Variants in GABPB2 observed in about 807,000 individuals in gnomAD.
The protein encoded by GABPB2 is GA binding protein transcription factor subunit beta 2.
In GABPB2, 23 loss-of-function variants were observed where a neutral mutation model predicts 39.1. The ratio of observed to expected loss-of-function variants is 0.59; its 90% CI spans 0.42 to 0.83. The LOEUF is 0.83. Ranked by LOEUF, GABPB2 falls within the 40% of genes least tolerant of loss-of-function variation. The pLI is 0.00. For synonymous variants in GABPB2, 184 were observed against 199.3 expected (o/e 0.92, Z 0.65); for missense variants, 467 against 541.1 (o/e 0.86, Z 1.36).
At chr1:151,097,709 G>A in intron 4 of GABPB2, 143 bp from the exon 5 acceptor site, 1 of 673,470 alleles carries the variant, frequency 1.5e-6, no homozygotes, top group East Asian at 2.8e-5. Flanking sequence ...AACCCAGGAG[G>A]TGGAGGTTGC....
chr1:151,072,512 G>GCA (rs1442614773), intron 1 of GABPB2, among the ~76,000 whole-genome samples: 18 of 151,826 alleles, frequency 1.2e-4, no homozygotes, highest in Admixed American at 2.6e-4. Context: ...TTGCACCACT[G>GCA]CACTCCAGCC....
In GABPB2 at chr1:151,122,796, G is replaced by C. The variant is rs1271343963; in HGVS notation, c.*4540G>C. The C allele has an allele frequency of 6.6e-6, 1 of 152,034 alleles. No individual in the cohort carries two copies. Among genetic ancestry groups the C allele is most frequent in the Non-Finnish European group, 1.5e-5 (1 of 68,008 alleles). 9.4% of individuals were successfully genotyped at this position (152,034 alleles called of 1,614,324 possible). A position where few individuals can be genotyped will look rare whatever the true frequency, so the allele number is the denominator to read the frequency against. On this transcript the variant is annotated 3_prime_UTR_variant, in exon 9 of 9. Coordinates refer to ENST00000368918, the MANE Select transcript of GABPB2 (RefSeq NM_144618.3). ...TAATACAGGCCAAGTCATTTTTTATGATGGGTCTCTGAGATAGGGCAGTTT... is the reference window on the plus strand; with the variant it reads ...TAATACAGGCCAAGTCATTTTTTATCATGGGTCTCTGAGATAGGGCAGTTT...
chr1:151,083,358 G>A lies in GABPB2; in HGVS notation c.1-4832G>A, dbSNP rs587632426. Among the ~76,000 whole-genome samples the A allele has an allele frequency of 7.2e-5, 11 of 152,280 alleles. No homozygotes were observed. In the South Asian group the frequency reaches 1.7e-3, roughly 23 times the overall value. ...AATAAATACTGTCAATTGGCTGGGCGCGGTGGCTCACGCCTGTAATCCCAG... is the reference window on the plus strand; with the variant it reads ...AATAAATACTGTCAATTGGCTGGGCACGGTGGCTCACGCCTGTAATCCCAG... On this transcript the variant is annotated intron_variant, in intron 1 of 8. Coordinates refer to ENST00000368918, the MANE Select transcript of GABPB2 (RefSeq NM_144618.3).
intron 5 of GABPB2, among the ~76,000 whole-genome samples, chr1:151,102,461 G>C (rs1172240659): frequency 6.6e-6 from 1 of 152,020 alleles, no homozygotes; most frequent in African/African-American, 2.4e-5. Context: ...TTTATTTATT[G>C]AGATGGAGTC....
intron 7 of GABPB2, chr1:151,112,034 C>T (rs1029500389): frequency 6.8e-6 from 1 of 147,776 alleles, no homozygotes; most frequent in African/African-American, 2.5e-5. Context: ...ACCATCCTGG[C>T]TAACATGGTG....
At position 151,118,037 on chromosome 1, in the gene GABPB2, A is replaced by T. The variant is rs587607339; in HGVS notation, c.1128A>T (p.Leu376=). The stretch of plus-strand genomic sequence containing the variant: ...CCCAGGAATACCGACACCAGCTCCT[A>T]AAGAAAGAGCAGGAAGCAGAACAGT... ...RRAQEYRHQL[L]KKEQEAEQYR... Residue 376 remains leucine (L), a synonymous_variant, in exon 9 of 9, where the codon CTA becomes CTT. Transcript: ENST00000368918. The T allele has an allele frequency of 2.2e-5, 36 of 1,614,162 alleles. No individual in the cohort carries two copies. In the South Asian group the frequency reaches 4.0e-4, roughly 18 times the overall value.
At chr1:151,085,606 A>AAT (rs748826153) in intron 1 of GABPB2, among the ~76,000 whole-genome samples, 56 of 150,164 alleles carry the variant, frequency 3.7e-4, no homozygotes, top group African/African-American at 8.5e-4. Context: ...ACACCTGGCT[A>AAT]ATATATATAT....
At chr1:151,087,122 T>C (rs1678271005) in intron 1 of GABPB2, among the ~76,000 whole-genome samples, 1 of 151,952 alleles carries the variant, frequency 6.6e-6, no homozygotes, top group South Asian at 2.1e-4. Context: ...CCCAAAGTGC[T>C]GGGATTACAG....
intron 1 of GABPB2, among the ~76,000 whole-genome samples, chr1:151,078,651 T>C (rs1399210193): frequency 6.6e-6 from 1 of 152,030 alleles, no homozygotes; most frequent in Middle Eastern, 3.2e-3. Flanking sequence ...TTTGTTTGTT[T>C]GTTTGTTTGA....
At chr1:151,086,670 AT>A (rs35098609) in intron 1 of GABPB2, among the ~76,000 whole-genome samples, 34 of 147,872 alleles carry the variant, frequency 2.3e-4, no homozygotes, top group African/African-American at 4.8e-4. Flanking sequence ...CTTGTTCTTA[AT>A]TTTTTTTTTT....
intron 3 of GABPB2, 133 bp from the exon 4 acceptor site, chr1:151,093,059 C>T: frequency 6.4e-6 from 4 of 628,832 alleles, no homozygotes; most frequent in South Asian, 4.2e-5. Flanking sequence ...ATGTTTTTCC[C>T]TTTGATATTC....
At position 151,118,367 on chromosome 1, in the gene GABPB2, T is replaced by A; in HGVS notation, c.*111T>A. ...CTAAGAGTGTCTTTAAGAAGAAAAC[T>A]ATAGCAGGGTACAATGCTTGGGCTC... On this transcript the variant is annotated 3_prime_UTR_variant, in exon 9 of 9. Coordinates refer to ENST00000368918, the MANE Select transcript of GABPB2 (RefSeq NM_144618.3). 1 of 1,033,108 alleles carries A rather than the reference T, an allele frequency of 9.7e-7. No homozygotes were observed. The highest frequency in any genetic ancestry group is 1.6e-5 in the African/African-American group (1 of 61,816). 64.0% of individuals were successfully genotyped at this position (1,033,108 alleles called of 1,614,324 possible). A position where few individuals can be genotyped will look rare whatever the true frequency, so the allele number is the denominator to read the frequency against.
chr1:151,082,652 G>A (rs896762873), intron 1 of GABPB2, among the ~76,000 whole-genome samples: 1 of 150,326 alleles, frequency 6.7e-6, no homozygotes, highest in African/African-American at 2.4e-5. Context: ...CTTGTGATCC[G>A]CCCACCTCAG....
intron 7 of GABPB2, among the ~76,000 whole-genome samples, chr1:151,113,081 ATT>A (rs772777459): frequency 2.0e-5 from 3 of 147,420 alleles, no homozygotes; most frequent in African/African-American, 7.4e-5. Context: ...TAGCCCCTCA[ATT>A]TTTTTTTTTA....
intron 7 of GABPB2, among the ~76,000 whole-genome samples, chr1:151,108,582 G>T (rs1680150745): frequency 6.6e-6 from 1 of 151,970 alleles, no homozygotes; most frequent in South Asian, 2.1e-4. Flanking sequence ...GGTCACTGCA[G>T]CCTCGACCTC....
chr1:151,090,688 T>C (rs1161777264), intron 3 of GABPB2, 115 bp downstream of exon 3: 10 of 1,050,018 alleles, frequency 9.5e-6, no homozygotes, highest in African/African-American at 1.6e-5. Flanking sequence ...AGGACAGTTA[T>C]AGCATTAAGT....
intron 6 of GABPB2, among the ~76,000 whole-genome samples, chr1:151,104,834 TTCTC>T (rs972370480): frequency 9.3e-6 from 1 of 107,676 alleles, no homozygotes; most frequent in Middle Eastern, 4.4e-3. Flanking sequence ...TTTCTTTCTC[TTCTC>T]TCTCTTTCTT....
At chr1:151,077,225 T>G (rs1677241964) in intron 1 of GABPB2, among the ~76,000 whole-genome samples, 1 of 152,132 alleles carries the variant, frequency 6.6e-6, no homozygotes, top group African/African-American at 2.4e-5. Context: ...CCTCATACCT[T>G]GTCTAAAGTC....
intron 1 of GABPB2, among the ~76,000 whole-genome samples, chr1:151,072,717 C>G (rs1676834797): frequency 6.6e-6 from 1 of 152,098 alleles, no homozygotes; most frequent in African/African-American, 2.4e-5. Flanking sequence ...CGTGGTGGCA[C>G]ACACCTGTAA....
Sources: gnomAD v4.1 joint callset for allele counts (sites outside exome capture counted in the v4.1 genomes callset) on GRCh38, gnomAD v4.1.1 for gene constraint, MANE v1.5 for transcripts, NCBI Gene and HGNC (gene_info 2026-07-23, HGNC 2026-07-21) for gene names.